Variants in XPO6 observed in about 807,000 individuals in gnomAD.
XPO6 encodes exportin 6.
In XPO6, 3 loss-of-function variants were observed where a neutral mutation model predicts 130.0. The observed-to-expected ratio is 0.02, with a 90% CI of 0.01 to 0.06. The LOEUF (loss-of-function observed/expected upper bound fraction) is 0.06. XPO6 is among the 10% of genes least tolerant of loss of function. The probability of loss-of-function intolerance (pLI) is 1.00; values close to 1 mark genes in which losing one functional copy is unlikely to be tolerated. For synonymous variants in XPO6, 524 were observed against 548.9 expected (o/e 0.95, Z 0.63); for missense variants, 970 against 1,393.0 (o/e 0.70, Z 4.83).
intron 5 of XPO6, among the ~76,000 whole-genome samples, chr16:28,168,602 CTT>C (rs371113316): frequency 7.7e-5 from 11 of 142,346 alleles, no homozygotes; most frequent in Non-Finnish European, 1.1e-4. Context: ...TTTTCTTTTT[CTT>C]TTTTTTTTTT....
At chr16:28,180,247 C>G (rs546324973) in intron 2 of XPO6, among the ~76,000 whole-genome samples, 1 of 152,222 alleles carries the variant, frequency 6.6e-6, no homozygotes, top group Admixed American at 6.5e-5. Context: ...CACCTGTAAT[C>G]CCAGCAACTC....
chr16:28,140,976 C>A (rs2042880420), intron 9 of XPO6, among the ~76,000 whole-genome samples: 1 of 152,196 alleles, frequency 6.6e-6, no homozygotes, highest in African/African-American at 2.4e-5. Flanking sequence ...TTTTTCAACT[C>A]AATAAAGCAA....
At chr16:28,145,571 T>C (rs1186841776) in intron 9 of XPO6, among the ~76,000 whole-genome samples, 3 of 152,244 alleles carry the variant, frequency 2.0e-5, no homozygotes, top group Non-Finnish European at 2.9e-5. Context: ...TATCTTTTCC[T>C]AGATTTAAAA....
chr16:28,160,503 CCAAAAAAAAAA>C (rs2043259689), intron 6 of XPO6, among the ~76,000 whole-genome samples: 2 of 116,684 alleles, frequency 1.7e-5, no homozygotes, highest in African/African-American at 8.3e-5. Context: ...GACTCCATCA[CCAAAAAAAAAA>C]AAAAAATCAA....
chr16:28,132,187 C>T lies in XPO6; in HGVS notation c.1606+147G>A, dbSNP rs1209512700. 7.6e-6 allele frequency: 5 copies of T among 657,656 alleles called. No homozygotes were observed. The highest frequency in any genetic ancestry group is 3.0e-5 in the East Asian group (1 of 33,842). The allele number at this position is 657,656 out of a possible 1,614,324, so 40.7% of individuals were successfully genotyped here. A position where few individuals can be genotyped will look rare whatever the true frequency, so the allele number is the denominator to read the frequency against. ...GCTTTTCATCATAAGCCTTTAAAAA[C>T]GTTCCCTGTTTCGAAGTGGGGAGAG... On this transcript the variant is annotated intron_variant, in intron 12 of 23. Transcript: ENST00000304658. The surrounding 1 kb of genome is among the most constrained non-coding windows in gnomAD (Gnocchi z 4.0).
chr16:28,189,844 A>G (rs2043757848), intron 1 of XPO6, among the ~76,000 whole-genome samples: 1 of 152,268 alleles, frequency 6.6e-6, no homozygotes, highest in Admixed American at 6.5e-5. Context: ...TAGTCATTAA[A>G]AAGCACTTTT....
At chr16:28,152,361 T>C (rs2043110302) in intron 8 of XPO6, among the ~76,000 whole-genome samples, 1 of 152,226 alleles carries the variant, frequency 6.6e-6, no homozygotes, top group African/African-American at 2.4e-5. Flanking sequence ...TTTGTTCACA[T>C]AATAGTGGTC....
chr16:28,159,033 C>T (rs1044656479), intron 6 of XPO6, among the ~76,000 whole-genome samples: 3 of 152,036 alleles, frequency 2.0e-5, no homozygotes, highest in Non-Finnish European at 4.4e-5. Flanking sequence ...AGTTCAAAAC[C>T]AGCTTGGGCA....
chr16:28,156,301 C>G lies in XPO6; in HGVS notation c.870G>C (p.Ala290=). 6.2e-7 allele frequency: 1 copy of G among 1,614,080 alleles called. No homozygotes were observed. The highest frequency in any genetic ancestry group is 8.5e-7 in the Non-Finnish European group (1 of 1,180,028). ...AGTTCTGGCTGCTGCCGTTAACTGA[C>G]GCCATCTTTCTGGCCCGGATGTCAC... ...FGCDIRARKM[A]SVNGSSQNCV... is the part of the protein sequence containing the mutation. Residue 290 remains alanine, a synonymous_variant, in exon 7 of 24, where the codon GCG becomes GCC. Transcript: ENST00000304658.
intron 10 of XPO6, 54 bp downstream of exon 10, chr16:28,135,162 G>C (rs2042750466): frequency 2.7e-6 from 4 of 1,472,332 alleles, no homozygotes; most frequent in Non-Finnish European, 3.8e-6. Context: ...TCCCCATTCT[G>C]ATTGATGTCA....
intron 1 of XPO6, among the ~76,000 whole-genome samples, chr16:28,199,825 T>C (rs2043928097): frequency 6.6e-6 from 1 of 150,698 alleles, no homozygotes. Flanking sequence ...ATTACAGGCA[T>C]GAGCCACTGC....
At chr16:28,206,513 GC>G (rs1432411474) in intron 1 of XPO6, among the ~76,000 whole-genome samples, 1 of 151,874 alleles carries the variant, frequency 6.6e-6, no homozygotes, top group African/African-American at 2.4e-5. Context: ...GTGCTGCTGC[GC>G]CCCAGCCTGG....
At chr16:28,151,724 A>G (rs2043094871) in intron 8 of XPO6, among the ~76,000 whole-genome samples, 1 of 152,192 alleles carries the variant, frequency 6.6e-6, no homozygotes, top group East Asian at 1.9e-4. Flanking sequence ...ACTTCAATAA[A>G]AAGCTTATTT....
chr16:28,153,498 T>C, intron 7 of XPO6: 8 of 985,362 alleles, frequency 8.1e-6, no homozygotes, highest in Non-Finnish European at 9.6e-6. Context: ...CAGTGCTCTT[T>C]CTTTTCACTT....
chr16:28,146,690 T>C (rs1428566640), intron 8 of XPO6, among the ~76,000 whole-genome samples: 5 of 152,144 alleles, frequency 3.3e-5, no homozygotes, highest in Admixed American at 6.5e-5. Flanking sequence ...CATTTGAATG[T>C]AAGGAAAGTA....
At chr16:28,180,735 A>G (rs2043602072) in intron 2 of XPO6, among the ~76,000 whole-genome samples, 1 of 152,196 alleles carries the variant, frequency 6.6e-6, no homozygotes, top group South Asian at 2.1e-4. Context: ...CATTGCTGAA[A>G]TTAAGATCCA....
At chr16:28,104,930 G>A (rs8048659) in intron 20 of XPO6, among the ~76,000 whole-genome samples, 8,102 of 152,318 alleles carry the variant, frequency 0.053, 549 homozygotes, top group East Asian at 0.17. Flanking sequence ...TTCACACCGC[G>A]AGTTCTTCAG....
Position 28,098,470 on chromosome 16 carries a change from C to G in XPO6, c.*68G>C. ...TGACCAAGGCCCATCTGGGAGACAT[C>G]TGTGGTGGAAGGTAGGGCTGGCGCA... On this transcript the variant is annotated 3_prime_UTR_variant, in exon 24 of 24. Transcript: ENST00000304658. 1 of 1,404,356 alleles carries G rather than the reference C, an allele frequency of 7.1e-7. No homozygotes were observed. The highest frequency in any genetic ancestry group is 9.9e-7 in the Non-Finnish European group (1 of 1,009,732). 87.0% of individuals were successfully genotyped at this position (1,404,356 alleles called of 1,614,324 possible).
chr16:28,141,821 G>C (rs565779214), intron 9 of XPO6, among the ~76,000 whole-genome samples: 2 of 152,178 alleles, frequency 1.3e-5, no homozygotes, highest in Non-Finnish European at 2.9e-5. Flanking sequence ...TTAGCCGGGC[G>C]TGGTGGCGGG....
Sources: gnomAD v4.1 joint callset for allele counts (sites outside exome capture counted in the v4.1 genomes callset) on GRCh38, gnomAD v4.1.1 for gene constraint, Gnocchi (gnomAD v3.1) non-coding constraint, MANE v1.5 for transcripts, NCBI Gene and HGNC (gene_info 2026-07-23, HGNC 2026-07-21) for gene names.